DPY19L2: variants seen among roughly 807,000 people sequenced by gnomAD.
The protein encoded by DPY19L2 is probable C-mannosyltransferase DPY19L2.
Under a neutral mutation model 97.9 loss-of-function variants are expected in DPY19L2, and 34 were observed. The ratio of observed to expected loss-of-function variants is 0.35; its 90% CI spans 0.26 to 0.46. The LOEUF is 0.46. Among genes scored for constraint, DPY19L2 ranks in the 20% least tolerant of loss-of-function variants. DPY19L2 has a pLI of 1.00. For synonymous variants in DPY19L2, 230 were observed against 307.9 expected, an observed-to-expected ratio of 0.75 and a Z score of 2.65; for missense variants, 623 against 911.4, an observed-to-expected ratio of 0.68 and a Z score of 4.07.
At position 63,580,801 on chromosome 12, in the gene DPY19L2, C is replaced by T. The variant is rs780388557; in HGVS notation, c.1761G>A (p.Glu587=). ...CTGTTAAAATGCCAAAGATAACCTT[C>T]TCAAAACGAACTCTGCGAAAAAGCC... ...FGWLFRRVRF[E]KVIFGILTVM... is the part of the protein sequence containing the mutation. Residue 587 remains glutamate (E), a synonymous_variant, in exon 19 of 22, where the codon GAG becomes GAA. Coordinates refer to ENST00000324472, the MANE Select transcript of DPY19L2 (RefSeq NM_173812.5). The T allele has an allele frequency of 2.5e-6, 4 of 1,612,666 alleles. No homozygotes were observed.
chr12:63,589,357 C>CAAA lies in DPY19L2; in HGVS notation c.1580+4727_1580+4729dup, dbSNP rs71086687. Among the ~76,000 whole-genome samples, 39 of 18,980 alleles carry CAAA rather than the reference C, an allele frequency of 2.1e-3. 4 individuals are homozygous for CAAA. The highest frequency in any genetic ancestry group is 2.5e-3 in the African/African-American group (17 of 6,842). 12.5% of individuals were successfully genotyped at this position (18,980 alleles called of 152,430 possible). On this transcript the variant is annotated intron_variant, in intron 16 of 21. Transcript: ENST00000324472. ...AATGTGGCTAGATAAAAATGTGTTG[C>CAAA]AAAAAAAAAAAAAAAAAAAAAAAAA... is the stretch of plus-strand genomic sequence containing the variant.
intron 11 of DPY19L2, among the ~76,000 whole-genome samples, chr12:63,615,827 T>C (rs1036708016): frequency 1.3e-5 from 2 of 152,114 alleles, no homozygotes; most frequent in Non-Finnish European, 2.9e-5. Flanking sequence ...TTTGATATAA[T>C]GGTAGTTTAA....
intron 19 of DPY19L2, among the ~76,000 whole-genome samples, chr12:63,573,192 C>T (rs117459331): frequency 0.03 from 4,487 of 151,894 alleles, 103 homozygotes; most frequent in Middle Eastern, 0.082. Flanking sequence ...GGAAAGTCAA[C>T]GAAATTCAAG....
chr12:63,630,650 C>T (rs1435947120), intron 6 of DPY19L2, among the ~76,000 whole-genome samples: 2 of 152,008 alleles, frequency 1.3e-5, no homozygotes, highest in Non-Finnish European at 2.9e-5. Context: ...CAATATTAGA[C>T]AGATCCCCGA....
At chr12:63,570,974 A>C (rs1878731509) in intron 19 of DPY19L2, 117 bp from the exon 20 acceptor site, 13 of 976,174 alleles carry the variant, frequency 1.3e-5, no homozygotes, top group African/African-American at 3.3e-5. Flanking sequence ...TTACATGACC[A>C]TGGACCTCAT....
intron 11 of DPY19L2, among the ~76,000 whole-genome samples, chr12:63,616,450 T>C (rs1887839551): frequency 6.6e-6 from 1 of 151,986 alleles, no homozygotes; most frequent in Non-Finnish European, 1.5e-5. Context: ...ATAAGGGCAA[T>C]CCCAAAAGAT....
intron 19 of DPY19L2, among the ~76,000 whole-genome samples, chr12:63,573,789 A>G (rs745987305): frequency 6.6e-5 from 10 of 152,306 alleles, no homozygotes; most frequent in African/African-American, 1.9e-4. Context: ...TGACATATTT[A>G]AAGTGAAGGA....
At chr12:63,579,518 T>C (rs944117068) in intron 19 of DPY19L2, among the ~76,000 whole-genome samples, 6 of 152,140 alleles carry the variant, frequency 3.9e-5, no homozygotes, top group African/African-American at 1.4e-4. Flanking sequence ...GCAGTTATCT[T>C]AGAAGGATAA....
intron 9 of DPY19L2, chr12:63,619,900 T>C (rs1016056463): frequency 2.2e-6 from 1 of 447,728 alleles, no homozygotes; most frequent in Non-Finnish European, 4.5e-6. Flanking sequence ...TCTGTTGGCA[T>C]GTGCAAATAA....
intron 10 of DPY19L2, 68 bp from the exon 11 acceptor site, chr12:63,617,458 T>C (rs1454719973): frequency 1.9e-5 from 19 of 1,026,352 alleles, no homozygotes; most frequent in Admixed American, 5.4e-5. Flanking sequence ...ATTTTGTAGG[T>C]ATATAGCCAT....
chr12:63,592,171 AAGGAAGGG>A (rs1364990258), intron 16 of DPY19L2, among the ~76,000 whole-genome samples: 1 of 145,498 alleles, frequency 6.9e-6, no homozygotes. Flanking sequence ...GGCAGGAAAG[AAGGAAGGG>A]AGGAAGGGAG....
intron 18 of DPY19L2, among the ~76,000 whole-genome samples, chr12:63,581,101 A>T (rs4763093): frequency 0.42 from 63,933 of 151,930 alleles, 13,878 homozygotes; most frequent in East Asian, 0.72. Flanking sequence ...ACTACTAAGG[A>T]TTAAAATAAA....
intron 4 of DPY19L2, among the ~76,000 whole-genome samples, chr12:63,653,768 A>T (rs1019434832): frequency 2.6e-5 from 4 of 152,042 alleles, no homozygotes; most frequent in African/African-American, 4.8e-5. Flanking sequence ...GATGAAATTT[A>T]AAAAAATACT....
chr12:63,562,309 A>G (rs1319436111), intron 21 of DPY19L2, among the ~76,000 whole-genome samples: 1 of 152,050 alleles, frequency 6.6e-6, no homozygotes, highest in Admixed American at 6.6e-5. Flanking sequence ...TCTTGTCCTC[A>G]GTAGAATTAT....
intron 11 of DPY19L2, among the ~76,000 whole-genome samples, chr12:63,612,100 A>C (rs1887105478): frequency 1.3e-5 from 2 of 152,106 alleles, no homozygotes. Context: ...TAAGAAAAAA[A>C]TGCAAACAAC....
At chr12:63,597,525 G>T (rs1884447414) in intron 14 of DPY19L2, among the ~76,000 whole-genome samples, 1 of 151,760 alleles carries the variant, frequency 6.6e-6, no homozygotes, top group South Asian at 2.1e-4. Context: ...ATTATCAAAA[G>T]TAATTGATTT....
In DPY19L2 at chr12:63,570,891, A is replaced by C. The variant is rs113795075; in HGVS notation, c.1901-34T>G. On this transcript the variant is annotated intron_variant, in intron 19 of 21. Coordinates refer to ENST00000324472, the MANE Select transcript of DPY19L2 (RefSeq NM_173812.5). ...AAAAAAAGGATATATTCTTCAATTAAATGTTTTAAAGAAAATCAGAAGTTA... is the reference window on the plus strand; with the variant it reads ...AAAAAAAGGATATATTCTTCAATTACATGTTTTAAAGAAAATCAGAAGTTA... The C allele has an allele frequency of 1.8e-3, 2,930 of 1,587,326 alleles. 39 individuals carry two copies. In the African/African-American group the frequency reaches 0.034, roughly 18 times the overall value.
chr12:63,628,720 G>C (rs917799819), intron 6 of DPY19L2, among the ~76,000 whole-genome samples: 4 of 151,378 alleles, frequency 2.6e-5, no homozygotes, highest in Non-Finnish European at 5.9e-5. Flanking sequence ...AGAGACTAGT[G>C]GTTCTCCCAG....
At chr12:63,575,271 C>T (rs12313389) in intron 19 of DPY19L2, among the ~76,000 whole-genome samples, 4,245 of 151,752 alleles carry the variant, frequency 0.028, 221 homozygotes, top group African/African-American at 0.096. Flanking sequence ...TTGAAACAAA[C>T]GATAATGAAA....
Sources: gnomAD v4.1 joint callset for allele counts (sites outside exome capture counted in the v4.1 genomes callset) on GRCh38, gnomAD v4.1.1 for gene constraint, MANE v1.5 for transcripts, NCBI Gene and HGNC (gene_info 2026-07-23, HGNC 2026-07-21) for gene names.